Variants in WDR72 observed in about 807,000 individuals in gnomAD.
WDR72 encodes WD repeat-containing protein 72.
A neutral mutation model predicts 124.2 loss-of-function variants in WDR72; 120 were observed. The ratio of observed to expected loss-of-function variants is 0.97; its 90% CI spans 0.83 to 1.12. The LOEUF (loss-of-function observed/expected upper bound fraction) is 1.12. Ranked by LOEUF, WDR72 falls within the 50% of genes most tolerant of loss-of-function variation. WDR72 has a pLI of 0.00. For missense variants in WDR72, 1,387 were observed against 1,278.8 expected, an observed-to-expected ratio of 1.08 and a Z score of -1.29; for synonymous variants, 452 against 441.7, an observed-to-expected ratio of 1.02 and a Z score of -0.29.
chr15:53,654,979 C>T (rs1332172630), intron 14 of WDR72, among the ~76,000 whole-genome samples: 2 of 151,858 alleles, frequency 1.3e-5, no homozygotes, highest in Non-Finnish European at 2.9e-5. Flanking sequence ...GCCTGTAATC[C>T]CAGCATTTTG....
At chr15:53,708,695 C>A (rs1440873918) in intron 9 of WDR72, among the ~76,000 whole-genome samples, 1 of 152,160 alleles carries the variant, frequency 6.6e-6, no homozygotes, top group Non-Finnish European at 1.5e-5. Flanking sequence ...TCATCACCAT[C>A]ATCATCATCA....
At chr15:53,681,157 C>T (rs1461610262) in intron 13 of WDR72, among the ~76,000 whole-genome samples, 1 of 152,154 alleles carries the variant, frequency 6.6e-6, no homozygotes, top group Non-Finnish European at 1.5e-5. Flanking sequence ...TATCTCTCAG[C>T]CAAATCAGAG....
At chr15:53,758,631 G>A (rs959254400) in intron 1 of WDR72, among the ~76,000 whole-genome samples, 1 of 152,064 alleles carries the variant, frequency 6.6e-6, no homozygotes, top group Non-Finnish European at 1.5e-5. Flanking sequence ...AGTGGTGAGA[G>A]CTGAACAGGG....
chr15:53,603,333 T>C (rs2013129657), intron 17 of WDR72, among the ~76,000 whole-genome samples: 1 of 152,060 alleles, frequency 6.6e-6, no homozygotes, highest in Non-Finnish European at 1.5e-5. Context: ...TGAAGGAACA[T>C]ACTTCGAAAT....
chr15:53,536,832 C>T (rs375421299), intron 18 of WDR72, among the ~76,000 whole-genome samples: 2 of 152,222 alleles, frequency 1.3e-5, no homozygotes, highest in African/African-American at 4.8e-5. Context: ...GCTGCTTGAC[C>T]GTAAAAAGTA....
At chr15:53,525,199 G>C (rs192212024) in intron 18 of WDR72, among the ~76,000 whole-genome samples, 2 of 152,064 alleles carry the variant, frequency 1.3e-5, no homozygotes, top group African/African-American at 4.8e-5. Context: ...AAGTGGTATA[G>C]TTAAATGTAT....
At chr15:53,608,829 G>GA (rs1390967236) in intron 17 of WDR72, among the ~76,000 whole-genome samples, 1 of 151,346 alleles carries the variant, frequency 6.6e-6, no homozygotes, top group African/African-American at 2.4e-5. Flanking sequence ...GAGAGTAGAA[G>GA]AATGGTTAGC....
At chr15:53,648,000 G>A (rs965526227) in intron 14 of WDR72, among the ~76,000 whole-genome samples, 8 of 151,952 alleles carry the variant, frequency 5.3e-5, no homozygotes, top group East Asian at 1.9e-4. Context: ...TCATGCTTAC[G>A]TGCATTATAC....
chr15:53,759,818 C>G (rs1174284372), upstream of WDR72, among the ~76,000 whole-genome samples: 1 of 151,558 alleles, frequency 6.6e-6, no homozygotes, highest in East Asian at 2.0e-4. Flanking sequence ...CTCTCCCTTC[C>G]TGCAACCTGG....
At chr15:53,692,287 T>C (rs554106211) in intron 13 of WDR72, among the ~76,000 whole-genome samples, 1 of 152,308 alleles carries the variant, frequency 6.6e-6, no homozygotes, top group African/African-American at 2.4e-5. Flanking sequence ...AAACCATATG[T>C]GATAATTCTA....
chr15:53,543,741 C>T (rs948018028), intron 18 of WDR72, among the ~76,000 whole-genome samples: 13 of 151,882 alleles, frequency 8.6e-5, no homozygotes, highest in African/African-American at 1.7e-4. Flanking sequence ...ATTGATAGAC[C>T]GCTAGCAAGA....
intron 14 of WDR72, among the ~76,000 whole-genome samples, chr15:53,656,363 A>G (rs2015420925): frequency 6.6e-6 from 1 of 152,190 alleles, no homozygotes; most frequent in South Asian, 2.1e-4. Context: ...CGTTAGCTGG[A>G]TGTATTTTTT....
At chr15:53,738,004 C>CCTG (rs1431081329) in intron 1 of WDR72, among the ~76,000 whole-genome samples, 1 of 152,102 alleles carries the variant, frequency 6.6e-6, no homozygotes, top group Non-Finnish European at 1.5e-5. Flanking sequence ...CTTCCCCACT[C>CCTG]CTGTAACATA....
chr15:53,759,021 T>G (rs1466370592), intron 1 of WDR72, among the ~76,000 whole-genome samples: 1 of 151,888 alleles, frequency 6.6e-6, no homozygotes, highest in Non-Finnish European at 1.5e-5. Flanking sequence ...GCAAAAGTCT[T>G]GTCCCCGCAG....
intron 14 of WDR72, among the ~76,000 whole-genome samples, chr15:53,627,852 T>C (rs910390197): frequency 6.6e-6 from 1 of 152,164 alleles, no homozygotes; most frequent in African/African-American, 2.4e-5. Flanking sequence ...AAATAAGCTA[T>C]ACTATTTTAC....
At chr15:53,681,173 A>G (rs937426134) in intron 13 of WDR72, among the ~76,000 whole-genome samples, 60 of 152,178 alleles carry the variant, frequency 3.9e-4, no homozygotes, top group African/African-American at 1.4e-3. Flanking sequence ...CAGAGAACCT[A>G]CTTTCCCAGA....
At chr15:53,536,776 A>T (rs1892785761) in intron 18 of WDR72, among the ~76,000 whole-genome samples, 1 of 152,204 alleles carries the variant, frequency 6.6e-6, no homozygotes, top group Admixed American at 6.5e-5. Context: ...CAAAGCAGTG[A>T]CATAGCACAT....
intron 18 of WDR72, among the ~76,000 whole-genome samples, chr15:53,565,936 C>A (rs938441504): frequency 6.6e-6 from 1 of 151,914 alleles, no homozygotes; most frequent in African/African-American, 2.4e-5. Flanking sequence ...ATCTTTGGAA[C>A]ACTAGAGCAT....
At chr15:53,712,552 G>A (rs992289020) in intron 7 of WDR72, among the ~76,000 whole-genome samples, 33 of 151,632 alleles carry the variant, frequency 2.2e-4, no homozygotes, top group African/African-American at 8.0e-4. Flanking sequence ...CTGAGATCGT[G>A]CCGCTGCACT....
Sources: gnomAD v4.1 joint callset for allele counts (sites outside exome capture counted in the v4.1 genomes callset) on GRCh38, gnomAD v4.1.1 for gene constraint, MANE v1.5 for transcripts, NCBI Gene and HGNC (gene_info 2026-07-23, HGNC 2026-07-21) for gene names.